The following BAZ2A variants were observed in gnomAD, a reference collection of about 807,000 sequenced individuals.
BAZ2A encodes the protein bromodomain adjacent to zinc finger domain 2A.
A neutral mutation model predicts 199.9 loss-of-function variants in BAZ2A; 34 were observed. The ratio of observed to expected loss-of-function variants is 0.17; its 90% confidence interval spans 0.13 to 0.23. BAZ2A has a LOEUF of 0.23. Among genes scored for constraint, BAZ2A ranks in the 10% least tolerant of loss-of-function variants. The pLI, the probability that BAZ2A is intolerant of heterozygous loss-of-function variation, is 1.00. For missense variants in BAZ2A, 2,002 were observed against 2,391.1 expected, an observed-to-expected ratio of 0.84 and a Z score of 3.39; for synonymous variants, 857 against 883.9, an observed-to-expected ratio of 0.97 and a Z score of 0.54.
At position 56,598,852 on chromosome 12, in the gene BAZ2A, A is replaced by G; in HGVS notation, c.5546+16T>C. 6.2e-7 allele frequency: 1 copy of G among 1,605,912 alleles called. No homozygotes were observed. The highest frequency in any genetic ancestry group is 8.5e-7 in the Non-Finnish European group (1 of 1,176,120). ...AGCAGTAGCAAAGACCGGGCGGTTC[A>G]CCCACATCTACTTACCCTCCCCTGA... On this transcript the variant is annotated intron_variant, in intron 28 of 28. Transcript: ENST00000549884.
chr12:56,615,121 C>A lies in BAZ2A; in HGVS notation c.623G>T (p.Gly208Val), dbSNP rs750776552. Residue 208 changes from glycine (G) to valine (V), a missense_variant, in exon 3 of 29, where the codon GGC (glycine) becomes GTC (valine). Physicochemically the swap from Gly to Val is moderately radical, Grantham distance 109 (BLOSUM62 -3). Coordinates refer to ENST00000549884, the MANE Select transcript of BAZ2A (RefSeq NM_001300905.2). ...IQTFAPSQEV[G>V]SGIHPDEAAE... is the part of the protein sequence containing the mutation. ...TGCCTCATCAGGATGGATACCACTG[C>A]CTACCTCCTGGGAGGGTGCAAAGGT... 8 of 1,613,718 alleles carry A rather than the reference C, an allele frequency of 5.0e-6. No individual in the cohort carries two copies. The Admixed American group carries it at 1.3e-4, about 27-fold the overall frequency.
intron 24 of BAZ2A, 52 bp from the exon 25 acceptor site, chr12:56,600,148 G>T (rs1175634949): frequency 1.2e-6 from 2 of 1,612,232 alleles, no homozygotes; most frequent in East Asian, 4.5e-5. Context: ...CACTAAAGAG[G>T]GAACTTATCC....
intron 7 of BAZ2A, 170 bp downstream of exon 7, chr12:56,611,403 C>A: frequency 1.5e-6 from 1 of 676,862 alleles, no homozygotes; most frequent in Non-Finnish European, 2.5e-6. Flanking sequence ...AGAAGGAAAA[C>A]CTAGGAATCT....
At chr12:56,623,117 T>C (rs1950974151) in intron 1 of BAZ2A, among the ~76,000 whole-genome samples, 1 of 151,822 alleles carries the variant, frequency 6.6e-6, no homozygotes. Flanking sequence ...GCACCTGTAG[T>C]CCTACCTACT....
chr12:56,618,397 T>TGAATACTACTAA (rs1227802708), intron 1 of BAZ2A, among the ~76,000 whole-genome samples: 1 of 152,104 alleles, frequency 6.6e-6, no homozygotes, highest in Non-Finnish European at 1.5e-5. Context: ...TCACCCTTTC[T>TGAATACTACTAA]GAATACTACT....
Position 56,610,399 on chromosome 12 carries a change from G to A in BAZ2A, c.1779+10C>T, listed in dbSNP as rs1424734291. 2.5e-6 allele frequency: 4 copies of A among 1,612,650 alleles called. No homozygotes were observed. The highest frequency in any genetic ancestry group is 2.7e-5 in the African/African-American group (2 of 74,970). On this transcript the variant is annotated intron_variant, in intron 8 of 28. Transcript: ENST00000549884. The stretch of plus-strand genomic sequence containing the variant: ...CCAAGAAAGCAGTCCTTTAAAAAAA[G>A]CTACATTACCTTGATCACTTCTGGA...
In BAZ2A at chr12:56,606,037, C is replaced by G. The variant is rs1409007553; in HGVS notation, c.2286G>C (p.Lys762Asn). 1 of 1,551,714 alleles carries G rather than the reference C, an allele frequency of 6.4e-7. No individual in the cohort carries two copies. The highest frequency in any genetic ancestry group is 2.4e-5 in the East Asian group (1 of 40,926). The change falls in exon 13 of 29, where the codon AAG (lysine) becomes AAC (asparagine). Residue 762 changes from lysine (K) to asparagine (N), a missense_variant. Physicochemically the swap from Lys to Asn is moderately conservative, Grantham distance 94 (BLOSUM62 0). Transcript: ENST00000549884. ...TGACTTTTTCCTTCAGTTTTTCCTG[C>G]TTTGTCTTTCCTTTTTCTTTCTCAG... Reference protein sequence around the residue: ...SKAEKEKGKTKQEKLKEKVKR... With the variant: ...SKAEKEKGKTNQEKLKEKVKR...
chr12:56,596,941 A>G lies in BAZ2A; in HGVS notation c.*1677T>C, dbSNP rs1885884860. On this transcript the variant is annotated 3_prime_UTR_variant, in exon 29 of 29. Transcript: ENST00000549884. The stretch of plus-strand genomic sequence containing the variant: ...CTTCAGTGCTGCCAGAATACAAGGA[A>G]TGCTCCACCTCACCTGGCACCCCCA... 3 of 152,420 alleles carry G rather than the reference A, an allele frequency of 2.0e-5. No individual in the cohort carries two copies. The highest frequency in any genetic ancestry group is 4.2e-4 in the South Asian group (2 of 4,816). The allele number at this position is 152,420 out of a possible 1,614,324, so 9.4% of individuals were successfully genotyped here.
At chr12:56,633,357 C>T (rs1951364460), upstream of BAZ2A, among the ~76,000 whole-genome samples, 2 of 152,178 alleles carry the variant, frequency 1.3e-5, no homozygotes, top group Admixed American at 1.3e-4. Flanking sequence ...CTCTCCTCCC[C>T]CCAGCACCCC....
At chr12:56,636,168 G>T (rs1403117359) in intron 1 of BAZ2A, 1 of 1,592,136 alleles carries the variant, frequency 6.3e-7, no homozygotes, top group Non-Finnish European at 8.6e-7. Flanking sequence ...CCCGGGGCTG[G>T]TCCCCATACT....
chr12:56,605,958 C>T lies in BAZ2A; in HGVS notation c.2365G>A (p.Ala789Thr), dbSNP rs1950338334. 1 of 1,555,608 alleles carries T rather than the reference C, an allele frequency of 6.4e-7. No homozygotes were observed. The highest frequency in any genetic ancestry group is 8.7e-7 in the Non-Finnish European group (1 of 1,149,022). ...KMKEKEEVTK[A>T]KPACKADKTL... is the part of the protein sequence containing the mutation. The stretch of plus-strand genomic sequence containing the variant: ...TTATCTGCTTTACAGGCTGGCTTGG[C>T]TTTGGTCACCTCCTCCTTTTCCTTC... The change falls in exon 13 of 29, where the codon GCC (alanine) becomes ACC (threonine). Residue 789 changes from alanine (A) to threonine (T), a missense_variant. By Grantham distance (58) the Ala-to-Thr change is moderately conservative. Around this residue, in one of 6 missense-constraint regions of BAZ2A, gnomAD observed 1,081 missense variants for 1,274.7 expected, o/e 0.85. Coordinates refer to ENST00000549884, the MANE Select transcript of BAZ2A (RefSeq NM_001300905.2).
chr12:56,635,107 C>T (rs1177763399), upstream of BAZ2A: 1 of 913,442 alleles, frequency 1.1e-6, no homozygotes, highest in Non-Finnish European at 1.3e-6. This position sits in a 1 kb window ranked among gnomAD's most constrained non-coding sequence, Gnocchi z 4.1. Flanking sequence ...GACAACCGCT[C>T]AGGAGAGCAG....
Position 56,611,698 on chromosome 12 carries a change from G to T in BAZ2A, c.1610-65C>A, listed in dbSNP as rs1950563384. 10 of 1,544,566 alleles carry T rather than the reference G, an allele frequency of 6.5e-6. No homozygotes were observed. The South Asian group carries it at 1.3e-4, about 20-fold the overall frequency. On this transcript the variant is annotated intron_variant, in intron 6 of 28. Transcript: ENST00000549884. ...AATATTTAAACAATAGGCCAATAGG[G>T]AAAGGCTAACTACAACATGGGACAG...
At chr12:56,637,530 G>A (rs562340798), upstream of BAZ2A, among the ~76,000 whole-genome samples, 39 of 152,278 alleles carry the variant, frequency 2.6e-4, no homozygotes, top group Admixed American at 5.9e-4. Flanking sequence ...CAAAATGTCA[G>A]GAAGTAGTTA....
At chr12:56,623,598 C>T (rs970027478) in intron 1 of BAZ2A, among the ~76,000 whole-genome samples, 4 of 152,148 alleles carry the variant, frequency 2.6e-5, no homozygotes, top group African/African-American at 9.7e-5. Context: ...CTCTACACAT[C>T]TCTGGATTAC....
At chr12:56,615,712 G>T in intron 2 of BAZ2A, 105 bp from the exon 3 acceptor site, 1 of 937,148 alleles carries the variant, frequency 1.1e-6, no homozygotes, top group Non-Finnish European at 1.6e-6. Flanking sequence ...CATGGTAAAG[G>T]GAAGGGGGAT....
chr12:56,621,385 T>G (rs1000718309), intron 1 of BAZ2A, among the ~76,000 whole-genome samples: 2 of 152,088 alleles, frequency 1.3e-5, no homozygotes, highest in Non-Finnish European at 2.9e-5. Flanking sequence ...CTGTCTCTTC[T>G]GAACTGTCAT....
intron 1 of BAZ2A, chr12:56,620,943 T>C (rs1417224236): frequency 1.2e-5 from 6 of 487,508 alleles, no homozygotes; most frequent in Non-Finnish European, 1.6e-5. Flanking sequence ...ATAATCCTTC[T>C]TAAGTGCAAG....
chr12:56,621,925 A>G (rs1950932539), intron 1 of BAZ2A, among the ~76,000 whole-genome samples: 1 of 152,066 alleles, frequency 6.6e-6, no homozygotes, highest in South Asian at 2.1e-4. Flanking sequence ...CCTGGCCTCA[A>G]GCAATTCTCC....
Sources: gnomAD v4.1 joint callset for allele counts (sites outside exome capture counted in the v4.1 genomes callset) on GRCh38, gnomAD v4.1.1 for gene constraint, gnomAD v4.1.1 regional missense constraint, Gnocchi (gnomAD v3.1) non-coding constraint, MANE v1.5 for transcripts, NCBI Gene and HGNC (gene_info 2026-07-23, HGNC 2026-07-21) for gene names.